Variants in CTNNA2 observed in about 807,000 individuals in gnomAD.
CTNNA2 encodes the protein catenin alpha-2.
In CTNNA2, 42 loss-of-function variants were observed where a neutral mutation model predicts 101.0. The ratio of observed to expected loss-of-function variants is 0.42; its 90% CI spans 0.32 to 0.54. The LOEUF is 0.54. Ranked by LOEUF, CTNNA2 falls within the 20% of genes least tolerant of loss-of-function variation. The pLI is 0.14. For missense variants in CTNNA2, 871 were observed against 1,223.1 expected, an observed-to-expected ratio of 0.71 and a Z score of 4.29; for synonymous variants, 450 against 456.4, an observed-to-expected ratio of 0.99 and a Z score of 0.18.
chr2:80,508,948 A>T (rs1306781641), intron 9 of CTNNA2, among the ~76,000 whole-genome samples: 1 of 151,950 alleles, frequency 6.6e-6, no homozygotes, highest in African/African-American at 2.4e-5. Context: ...CGTTTATTTG[A>T]TATTCATTTT....
intron 7 of CTNNA2, among the ~76,000 whole-genome samples, chr2:80,071,633 C>A (rs1477808823): frequency 6.6e-6 from 1 of 152,164 alleles, no homozygotes; most frequent in African/African-American, 2.4e-5. Flanking sequence ...TCATTACAGG[C>A]CCTTACATCC....
At chr2:79,274,614 A>T (rs1324721222) in intron 2 of CTNNA2, among the ~76,000 whole-genome samples, 1 of 152,034 alleles carries the variant, frequency 6.6e-6, no homozygotes, top group African/African-American at 2.4e-5. Flanking sequence ...TTTTTGATAA[A>T]ATATGAAACA....
intron 7 of CTNNA2, among the ~76,000 whole-genome samples, chr2:80,057,171 A>C (rs1697268564): frequency 7.0e-6 from 1 of 142,452 alleles, no homozygotes; most frequent in African/African-American, 3.0e-5. Context: ...GAAGTATATA[A>C]GTTGTTTTTT....
chr2:79,531,073 A>G (rs1672705867), intron 1 of CTNNA2, among the ~76,000 whole-genome samples: 1 of 151,788 alleles, frequency 6.6e-6, no homozygotes, highest in Admixed American at 6.6e-5. Context: ...GCTTTATATA[A>G]TAGATGGACT....
intron 9 of CTNNA2, among the ~76,000 whole-genome samples, chr2:80,422,572 C>T (rs1017188162): frequency 5.3e-5 from 8 of 151,834 alleles, no homozygotes; most frequent in African/African-American, 1.9e-4. Flanking sequence ...ATTGCTTGCT[C>T]TATGTTTCTT....
chr2:79,734,405 A>G, intron 2 of CTNNA2, among the ~76,000 whole-genome samples: 1 of 152,128 alleles, frequency 6.6e-6, no homozygotes, highest in East Asian at 1.9e-4. Context: ...ACTGTAAGAT[A>G]TATATTTTAG....
intron 7 of CTNNA2, among the ~76,000 whole-genome samples, chr2:80,008,061 T>C (rs1024217476): frequency 2.6e-5 from 4 of 152,220 alleles, no homozygotes; most frequent in African/African-American, 9.6e-5. Context: ...GTTATGATCA[T>C]GGGGCTCTAT....
chr2:80,218,992 A>G (rs1708424507), intron 7 of CTNNA2, among the ~76,000 whole-genome samples: 1 of 152,234 alleles, frequency 6.6e-6, no homozygotes, highest in Non-Finnish European at 1.5e-5. Flanking sequence ...ATCCACAACC[A>G]GAATATAATC....
intron 7 of CTNNA2, among the ~76,000 whole-genome samples, chr2:80,265,727 G>A (rs1019916040): frequency 6.6e-6 from 1 of 152,176 alleles, no homozygotes; most frequent in Admixed American, 6.5e-5. Context: ...TAAGCTCCTA[G>A]AAGTCACAGA....
At chr2:79,392,044 T>A (rs1427005199) in intron 4 of CTNNA2, among the ~76,000 whole-genome samples, 1 of 152,204 alleles carries the variant, frequency 6.6e-6, no homozygotes, top group East Asian at 1.9e-4. Context: ...GCAACCCTCA[T>A]GACCTCATTT....
chr2:80,556,346 G>A (rs958537108), intron 12 of CTNNA2, among the ~76,000 whole-genome samples: 1 of 152,158 alleles, frequency 6.6e-6, no homozygotes, highest in Non-Finnish European at 1.5e-5. Flanking sequence ...AGGACCTTAA[G>A]GAAGAACTCT....
At chr2:79,379,954 T>A (rs1233731581) in intron 4 of CTNNA2, among the ~76,000 whole-genome samples, 1 of 152,184 alleles carries the variant, frequency 6.6e-6, no homozygotes, top group African/African-American at 2.4e-5. Flanking sequence ...CTTCAAAATA[T>A]CCAGTTTTAC....
chr2:79,943,849 G>A (rs1010511553), intron 7 of CTNNA2, among the ~76,000 whole-genome samples: 2 of 152,168 alleles, frequency 1.3e-5, no homozygotes, highest in Admixed American at 1.3e-4. Flanking sequence ...AACCAAAATT[G>A]ATAATTCTGC....
chr2:80,216,681 G>T (rs1479150847), intron 7 of CTNNA2, among the ~76,000 whole-genome samples: 5 of 152,170 alleles, frequency 3.3e-5, no homozygotes, highest in East Asian at 1.9e-4. Flanking sequence ...CCAGTCTTGG[G>T]CTTCCAGCCT....
chr2:80,137,680 G>T (rs1340495624), intron 7 of CTNNA2, among the ~76,000 whole-genome samples: 1 of 152,022 alleles, frequency 6.6e-6, no homozygotes, highest in African/African-American at 2.4e-5. Flanking sequence ...TCAGACGTAG[G>T]ACCATGCACA....
intron 14 of CTNNA2, among the ~76,000 whole-genome samples, chr2:80,588,210 C>G (rs1218813140): frequency 6.6e-6 from 1 of 152,176 alleles, no homozygotes; most frequent in African/African-American, 2.4e-5. Context: ...TGTGTTTTCT[C>G]CATAAGGCAC....
chr2:79,255,017 C>A (rs1674822962), intron 2 of CTNNA2, among the ~76,000 whole-genome samples: 1 of 152,056 alleles, frequency 6.6e-6, no homozygotes, highest in Middle Eastern at 3.2e-3. Flanking sequence ...TAAGGCCTTA[C>A]CAGAACCTGA....
intron 7 of CTNNA2, among the ~76,000 whole-genome samples, chr2:80,352,830 C>T (rs189266307): frequency 6.6e-6 from 1 of 151,646 alleles, no homozygotes; most frequent in Admixed American, 6.6e-5. Context: ...GAATACCAGG[C>T]AATGAAGATA....
In CTNNA2 at chr2:79,255,498, G is replaced by C. The variant is rs759422204; in HGVS notation, c.-405-57211G>C. On this transcript the variant is annotated intron_variant, in intron 2 of 21. Transcript: ENST00000466387. ...AAGTGAAACAAATAAGACAAGTACA[G>C]CATGGCAGAGTTACAACTGAGGCAT... 2.0e-5 allele frequency among the ~76,000 whole-genome samples: 3 copies of C among 152,190 alleles called. 1 individual carries two copies. Among genetic ancestry groups the C allele is most frequent in the South Asian group, 4.1e-4 (2 of 4,822 alleles).
Sources: gnomAD v4.1 joint callset for allele counts (sites outside exome capture counted in the v4.1 genomes callset) on GRCh38, gnomAD v4.1.1 for gene constraint, MANE v1.5 for transcripts, NCBI Gene and HGNC (gene_info 2026-07-23, HGNC 2026-07-21) for gene names.